Variants in EIF2S2 observed in about 807,000 individuals in gnomAD.
EIF2S2 encodes eukaryotic translation initiation factor 2 subunit beta.
In EIF2S2, 4 loss-of-function variants were observed where a neutral mutation model predicts 44.0. That is an observed-to-expected ratio of 0.09 (90% CI 0.04 to 0.21). The LOEUF is 0.21. EIF2S2 is among the 10% of genes least tolerant of loss of function. The probability of loss-of-function intolerance (pLI) is 1.00; values close to 1 mark genes in which losing one functional copy is unlikely to be tolerated. For synonymous variants in EIF2S2, 108 were observed against 128.3 expected, an observed-to-expected ratio of 0.84 and a Z score of 1.07; for missense variants, 154 against 392.0, an observed-to-expected ratio of 0.39 and a Z score of 5.13.
chr20:34,090,637 T>C (rs1005338172), intron 7 of EIF2S2, 35 bp from the exon 8 acceptor site: 1 of 1,339,318 alleles, frequency 7.5e-7, no homozygotes, highest in African/African-American at 1.5e-5. Context: ...CCATTATTAT[T>C]GTTTTTTCCT....
At chr20:34,094,759 G>A (rs896366809) in intron 6 of EIF2S2, among the ~76,000 whole-genome samples, 1 of 151,448 alleles carries the variant, frequency 6.6e-6, no homozygotes, top group Non-Finnish European at 1.5e-5. Flanking sequence ...CAAATATAGA[G>A]CAATGCCATT....
At chr20:34,100,772 A>C (rs1038014329) in intron 3 of EIF2S2, among the ~76,000 whole-genome samples, 3 of 152,188 alleles carry the variant, frequency 2.0e-5, no homozygotes, top group Non-Finnish European at 2.9e-5. Flanking sequence ...GGATCAAGTG[A>C]TGGAATGGAA....
intron 6 of EIF2S2, among the ~76,000 whole-genome samples, chr20:34,094,181 G>C (rs527679830): frequency 6.6e-6 from 1 of 152,292 alleles, no homozygotes; most frequent in East Asian, 1.9e-4. Context: ...TGTGAACTGA[G>C]CCAGATAGCA....
In EIF2S2 at chr20:34,090,503, A is replaced by C; in HGVS notation, c.826+14T>G. On this transcript the variant is annotated intron_variant, in intron 8 of 8. Transcript: ENST00000374980. Reference sequence around the variant, plus strand: ...CATTTCAGGGTGATCTAATGAAATGAATTATACACTTACTGATATATCTTC... The same window carrying C: ...CATTTCAGGGTGATCTAATGAAATGCATTATACACTTACTGATATATCTTC... The C allele has an allele frequency of 6.9e-7, 1 of 1,443,604 alleles. No individual in the cohort carries two copies. The highest frequency in any genetic ancestry group is 9.4e-7 in the Non-Finnish European group (1 of 1,065,244). 89.4% of individuals were successfully genotyped at this position (1,443,604 alleles called of 1,614,324 possible). A position where few individuals can be genotyped will look rare whatever the true frequency, so the allele number is the denominator to read the frequency against.
intron 6 of EIF2S2, 97 bp from the exon 7 acceptor site, chr20:34,093,828 G>T: frequency 9.1e-7 from 1 of 1,094,424 alleles, no homozygotes. Flanking sequence ...TGATTATTTA[G>T]CTATTAAGTG....
chr20:34,098,758 C>T (rs2034262093), intron 3 of EIF2S2, 125 bp from the exon 4 acceptor site: 7 of 1,178,948 alleles, frequency 5.9e-6, no homozygotes, highest in African/African-American at 3.1e-5. Context: ...AAACTCCTGG[C>T]CTCAAGAGAT....
chr20:34,095,057 ATGT>A (rs2034210773), intron 6 of EIF2S2, among the ~76,000 whole-genome samples: 1 of 152,054 alleles, frequency 6.6e-6, no homozygotes, highest in Non-Finnish European at 1.5e-5. Context: ...GGAAAGATAC[ATGT>A]ATAAAGATGT....
chr20:34,093,631 GA>G, intron 7 of EIF2S2, 43 bp downstream of exon 7: 5 of 1,495,780 alleles, frequency 3.3e-6, no homozygotes, highest in Non-Finnish European at 4.6e-6. Flanking sequence ...AGGTTCTTAT[GA>G]AATGTCCAGC....
At chr20:34,096,624 T>C (rs1235104250) in intron 6 of EIF2S2, 33 bp downstream of exon 6, 29 of 1,554,196 alleles carry the variant, frequency 1.9e-5, no homozygotes, top group Non-Finnish European at 2.4e-5. Context: ...GAATCTGGCA[T>C]TTGGGATGAA....
chr20:34,093,744 T>A lies in EIF2S2; in HGVS notation c.684-13A>T. On this transcript the variant is annotated splice_polypyrimidine_tract_variant and intron_variant, in intron 6 of 8. Transcript: ENST00000374980. The stretch of plus-strand genomic sequence containing the variant: ...CTGACGATGTAATCTAAAAAGAAAA[T>A]CAAAATATATAAACCTTATCTCTCA... 1 of 1,593,868 alleles carries A rather than the reference T, an allele frequency of 6.3e-7. No homozygotes were observed. Among genetic ancestry groups the A allele is most frequent in the Non-Finnish European group, 8.6e-7 (1 of 1,167,450 alleles).
At chr20:34,101,285 A>G (rs1180481728) in intron 3 of EIF2S2, among the ~76,000 whole-genome samples, 1 of 152,154 alleles carries the variant, frequency 6.6e-6, no homozygotes, top group Non-Finnish European at 1.5e-5. Flanking sequence ...CTCTACCAAA[A>G]ATACAAAAAT....
At chr20:34,098,165 GAA>G (rs2034253023) in intron 4 of EIF2S2, among the ~76,000 whole-genome samples, 1 of 151,548 alleles carries the variant, frequency 6.6e-6, no homozygotes, top group African/African-American at 2.4e-5. Context: ...AGAATCGCTT[GAA>G]CCCGGTAGGC....
At chr20:34,097,963 G>A (rs531662602) in intron 4 of EIF2S2, among the ~76,000 whole-genome samples, 1 of 152,014 alleles carries the variant, frequency 6.6e-6, no homozygotes, top group South Asian at 2.1e-4. Flanking sequence ...TAAAAAATCG[G>A]GGCCGGGCGC....
intron 1 of EIF2S2, among the ~76,000 whole-genome samples, chr20:34,107,610 T>C (rs2122437308): frequency 6.6e-6 from 1 of 152,340 alleles, no homozygotes; most frequent in South Asian, 2.1e-4. Flanking sequence ...TTCTCTTGAT[T>C]CCTATCACTG....
intron 4 of EIF2S2, 61 bp downstream of exon 4, chr20:34,098,437 A>G (rs2034257211): frequency 1.9e-6 from 3 of 1,589,560 alleles, no homozygotes; most frequent in Admixed American, 3.5e-5. Context: ...ACCCCCATCA[A>G]GGAGACCAGG....
At chr20:34,097,566 C>T (rs1435555516) in intron 4 of EIF2S2, 50 bp from the exon 5 acceptor site, 8 of 1,476,586 alleles carry the variant, frequency 5.4e-6, no homozygotes, top group African/African-American at 1.4e-5. Flanking sequence ...TACTACAATA[C>T]AAAAGTGGGG....
At chr20:34,110,283 G>A (rs2034398105) in intron 1 of EIF2S2, among the ~76,000 whole-genome samples, 2 of 152,108 alleles carry the variant, frequency 1.3e-5, no homozygotes, top group Non-Finnish European at 2.9e-5. Flanking sequence ...ACAGTAGCCA[G>A]ATGTTAAAGG....
At position 34,089,088 on chromosome 20, in the gene EIF2S2, G is replaced by C. The variant is rs1350645480; in HGVS notation, c.*642C>G. 6.6e-6 allele frequency: 1 copy of C among 152,654 alleles called. No homozygotes were observed. The highest frequency in any genetic ancestry group is 1.5e-5 in the Non-Finnish European group (1 of 68,082). 9.5% of individuals were successfully genotyped at this position (152,654 alleles called of 1,614,324 possible). Reference sequence around the variant, plus strand: ...GAGGAAGGAGGGTACCTAGCACCTTGTATTCCCTCATGTGGTAACAGCTGG... The same window carrying C: ...GAGGAAGGAGGGTACCTAGCACCTTCTATTCCCTCATGTGGTAACAGCTGG... On this transcript the variant is annotated 3_prime_UTR_variant, in exon 9 of 9. Transcript: ENST00000374980.
rs2034137221 is a variant in EIF2S2, at chr20:34,089,498, A to T, written c.*232T>A. The T allele has an allele frequency of 1.1e-5, 5 of 472,976 alleles. No individual in the cohort carries two copies. Among genetic ancestry groups the T allele is most frequent in the East Asian group, 3.6e-5 (1 of 27,958 alleles). The allele number at this position is 472,976 out of a possible 1,614,324, so 29.3% of individuals were successfully genotyped here. A position where few individuals can be genotyped will look rare whatever the true frequency, so the allele number is the denominator to read the frequency against. Reference sequence around the variant, plus strand: ...TTTACAGAAGTCTATGAACGATTTTAAAAAAGCACCTCCTTACCCCATATC... The same window carrying T: ...TTTACAGAAGTCTATGAACGATTTTTAAAAAGCACCTCCTTACCCCATATC... On this transcript the variant is annotated 3_prime_UTR_variant, in exon 9 of 9. Transcript: ENST00000374980.
Sources: gnomAD v4.1 joint callset for allele counts (sites outside exome capture counted in the v4.1 genomes callset) on GRCh38, gnomAD v4.1.1 for gene constraint, MANE v1.5 for transcripts, NCBI Gene and HGNC (gene_info 2026-07-23, HGNC 2026-07-21) for gene names.